NCOA3: variants seen among roughly 807,000 people sequenced by gnomAD.
The protein encoded by NCOA3 is nuclear receptor coactivator 3.
NCOA3 carries 51 observed loss-of-function variants against 158.8 expected under a neutral mutation model. That is an observed-to-expected ratio of 0.32 (90% CI 0.26 to 0.41). NCOA3 has a LOEUF of 0.41. Among genes scored for constraint, NCOA3 ranks in the 10% least tolerant of loss-of-function variants. NCOA3 has a pLI of 1.00. For synonymous variants in NCOA3, 537 were observed against 592.4 expected (o/e 0.91, Z 1.36); for missense variants, 1,510 against 1,746.6 (o/e 0.86, Z 2.41).
chr20:47,540,480 G>A (rs2084704940), intron 1 of NCOA3, among the ~76,000 whole-genome samples: 1 of 151,770 alleles, frequency 6.6e-6, no homozygotes, highest in African/African-American at 2.4e-5. Context: ...GCTGAGGAAG[G>A]AGAATCGGTT....
intron 1 of NCOA3, among the ~76,000 whole-genome samples, chr20:47,530,419 C>T (rs1473280970): frequency 6.6e-6 from 1 of 150,514 alleles, no homozygotes; most frequent in Non-Finnish European, 1.5e-5. Context: ...ATTTGCATAG[C>T]TCAGTATTTT....
chr20:47,647,305 C>A lies in NCOA3; in HGVS notation c.3485C>A (p.Pro1162His). The A allele has an allele frequency of 6.2e-7, 1 of 1,614,142 alleles. No homozygotes were observed. ...GMHPRANIMR[P>H]RTNTPKQLRM... ...CACCCACGAGCCAACATCATGAGAC[C>A]CCGGACAAACACCCCCAAGCAACTT... The change falls in exon 18 of 23, where the codon CCC (proline) becomes CAC (histidine). Residue 1162 changes from proline to histidine, a missense_variant. Physicochemically the swap from Pro to His is moderately conservative, Grantham distance 77. Around this residue, in one of 4 missense-constraint regions of NCOA3, gnomAD observed 1,017 missense variants for 1,098.3 expected, o/e 0.93. Coordinates refer to ENST00000371998, the MANE Select transcript of NCOA3 (RefSeq NM_181659.3).
At chr20:47,577,993 C>G (rs943114224) in intron 1 of NCOA3, among the ~76,000 whole-genome samples, 1 of 151,950 alleles carries the variant, frequency 6.6e-6, no homozygotes, top group Non-Finnish European at 1.5e-5. Flanking sequence ...TTCCTTGTCC[C>G]CCACTCCCTT....
At chr20:47,583,920 C>T (rs2085492786) in intron 2 of NCOA3, among the ~76,000 whole-genome samples, 1 of 152,112 alleles carries the variant, frequency 6.6e-6, no homozygotes, top group African/African-American at 2.4e-5. Context: ...TGTGCCACTG[C>T]ACTCTAGCCT....
At chr20:47,540,786 AG>A (rs1469303151) in intron 1 of NCOA3, among the ~76,000 whole-genome samples, 1 of 152,188 alleles carries the variant, frequency 6.6e-6, no homozygotes, top group Non-Finnish European at 1.5e-5. Context: ...AAGGCAGTGA[AG>A]GATTAATTGC....
chr20:47,627,913 T>G lies in NCOA3; in HGVS notation c.722-9T>G, dbSNP rs368473555. ...TATAATCCTTACCAGGGTGAATTTT[T>G]TATTGTAGATTTGCAATCTTGTATG... On this transcript the variant is annotated splice_polypyrimidine_tract_variant and intron_variant, in intron 7 of 22. Transcript: ENST00000371998. The G allele has an allele frequency of 1.9e-5, 30 of 1,611,826 alleles. No individual in the cohort carries two copies. The highest frequency in any genetic ancestry group is 2.5e-5 in the Non-Finnish European group (29 of 1,178,302).
At chr20:47,604,893 G>GTTTTTTTTT (rs2085919057) in intron 2 of NCOA3, among the ~76,000 whole-genome samples, 1 of 151,972 alleles carries the variant, frequency 6.6e-6, no homozygotes, top group Non-Finnish European at 1.5e-5. Context: ...TTGAGGTGGG[G>GTTTTTTTTT]TCTTGCTCTG....
chr20:47,605,397 TTG>T lies in NCOA3; in HGVS notation c.-19-16818_-19-16817del, dbSNP rs111580055. 9.3e-5 allele frequency among the ~76,000 whole-genome samples: 14 copies of T among 151,290 alleles called. No homozygotes were observed. In the East Asian group the frequency reaches 1.5e-3, roughly 17 times the overall value. On this transcript the variant is annotated intron_variant, in intron 2 of 22. Coordinates refer to ENST00000371998, the MANE Select transcript of NCOA3 (RefSeq NM_181659.3). ...GTGATATGCATTACTTAGGTTTTGT[TTG>T]TGTGTGTGTGTGTATGAGACATATA...
chr20:47,602,609 A>G (rs2085880804), intron 2 of NCOA3, among the ~76,000 whole-genome samples: 1 of 152,244 alleles, frequency 6.6e-6, no homozygotes, highest in Non-Finnish European at 1.5e-5. Flanking sequence ...ACTTCAGAAG[A>G]TAAATTGGCC....
intron 1 of NCOA3, among the ~76,000 whole-genome samples, chr20:47,560,616 T>G (rs1476221468): frequency 1.3e-5 from 2 of 152,224 alleles, no homozygotes; most frequent in African/African-American, 4.8e-5. Flanking sequence ...TAGTATCTCA[T>G]TGTTTTAATT....
chr20:47,624,974 T>C (rs963594252), intron 4 of NCOA3, among the ~76,000 whole-genome samples: 2 of 152,108 alleles, frequency 1.3e-5, no homozygotes, highest in Non-Finnish European at 2.9e-5. Flanking sequence ...GGTTTTGCCA[T>C]GTTGGCCAGG....
chr20:47,627,701 C>A lies in NCOA3; in HGVS notation c.673C>A (p.Gln225Lys). ...PEMRQRYETMQCFALSQPRAM... is the reference protein window; with the variant it reads ...PEMRQRYETMKCFALSQPRAM... ...AATGCGCCAGAGATATGAAACAATG[C>A]AGTGCTTTGCCCTGTCTCAGCCACG... Residue 225 changes from glutamine to lysine, a missense_variant, in exon 7 of 23, where the codon CAG becomes AAG. Gln to Lys is a moderately conservative substitution (Grantham distance 53). Coordinates refer to ENST00000371998, the MANE Select transcript of NCOA3 (RefSeq NM_181659.3). The A allele has an allele frequency of 6.2e-7, 1 of 1,614,126 alleles. No homozygotes were observed. The highest frequency in any genetic ancestry group is 8.5e-7 in the Non-Finnish European group (1 of 1,180,016).
intron 1 of NCOA3, among the ~76,000 whole-genome samples, chr20:47,559,647 G>A (rs1389191050): frequency 6.6e-6 from 1 of 151,996 alleles, no homozygotes; most frequent in Non-Finnish European, 1.5e-5. Flanking sequence ...TTGGGAGGCC[G>A]AGGTGGGCGG....
intron 1 of NCOA3, among the ~76,000 whole-genome samples, chr20:47,526,714 CCGTCCAGCTTCGGCT>C (rs1169343538): frequency 6.6e-6 from 1 of 152,162 alleles, no homozygotes; most frequent in Non-Finnish European, 1.5e-5. Flanking sequence ...GGCAGCAGTA[CCGTCCAGCTTCGGCT>C]CGGCATCAGA....
Position 47,639,926 on chromosome 20 carries a change from G to A in NCOA3, c.2955G>A (p.Arg985=), listed in dbSNP as rs1230699943. ...TGTGCTTTCTTTTTGCTCCCCCAGGGCCTGGTGAAATCCCCATGGGAATGG... is the reference window on the plus strand; with the variant it reads ...TGTGCTTTCTTTTTGCTCCCCCAGGACCTGGTGAAATCCCCATGGGAATGG... The part of the protein sequence containing the change: ...LQQQQQMLQM[R]PGEIPMGMGA... Residue 985 remains arginine (R), a splice_region_variant and synonymous_variant, in exon 16 of 23, where the codon AGG becomes AGA. Transcript: ENST00000371998. 1 of 1,613,996 alleles carries A rather than the reference G, an allele frequency of 6.2e-7. No homozygotes were observed. The highest frequency in any genetic ancestry group is 1.3e-5 in the African/African-American group (1 of 74,894).
chr20:47,554,257 T>C (rs1467155600), intron 1 of NCOA3, among the ~76,000 whole-genome samples: 1 of 152,184 alleles, frequency 6.6e-6, no homozygotes, highest in East Asian at 1.9e-4. Context: ...TTTGTTTTTT[T>C]CTTGTAAATT....
At chr20:47,514,045 CACTGTAT>C (rs2084190477) in intron 1 of NCOA3, among the ~76,000 whole-genome samples, 1 of 152,026 alleles carries the variant, frequency 6.6e-6, no homozygotes, top group Non-Finnish European at 1.5e-5. Flanking sequence ...AAAGGACGGC[CACTGTAT>C]ACCCTCTGAT....
intron 1 of NCOA3, among the ~76,000 whole-genome samples, chr20:47,553,550 TC>T (rs1424079358): frequency 2.6e-5 from 1 of 38,166 alleles, no homozygotes; most frequent in Non-Finnish European, 5.3e-5. Flanking sequence ...CCTCCCCCCC[TC>T]CCCCCACCCA....
chr20:47,547,754 C>T (rs1256525889), intron 1 of NCOA3, among the ~76,000 whole-genome samples: 2 of 151,734 alleles, frequency 1.3e-5, no homozygotes, highest in Admixed American at 1.3e-4. Context: ...GTCGCTCTGT[C>T]ACCCAGACTG....
Sources: allele counts gnomAD v4.1 joint callset (sites outside exome capture counted in the v4.1 genomes callset), GRCh38; gene constraint gnomAD v4.1.1; regional missense constraint gnomAD v4.1.1; transcripts MANE v1.5; gene names NCBI Gene and HGNC (gene_info 2026-07-23, HGNC 2026-07-21).